The following GABRA5 variants were observed in gnomAD, a reference collection of about 807,000 sequenced individuals.
The protein encoded by GABRA5 is gamma-aminobutyric acid type A receptor subunit alpha5.
In GABRA5, 18 loss-of-function variants were observed where a neutral mutation model predicts 47.3. The observed-to-expected ratio is 0.38, with a 90% CI of 0.26 to 0.56. GABRA5 has a LOEUF of 0.56. Ranked by LOEUF, GABRA5 falls within the 20% of genes least tolerant of loss-of-function variation. GABRA5 has a pLI of 0.71. For synonymous variants in GABRA5, 237 were observed against 229.3 expected, an observed-to-expected ratio of 1.03 and a Z score of -0.30; for missense variants, 365 against 599.3, an observed-to-expected ratio of 0.61 and a Z score of 4.08.
At chr15:26,890,732 A>G (rs1283887891) in intron 6 of GABRA5, among the ~76,000 whole-genome samples, 1 of 152,186 alleles carries the variant, frequency 6.6e-6, no homozygotes, top group Non-Finnish European at 1.5e-5. Context: ...AATCATGTAT[A>G]ACACATGCAT....
chr15:26,901,874 G>T (rs963281844), intron 6 of GABRA5, among the ~76,000 whole-genome samples: 1 of 152,126 alleles, frequency 6.6e-6, no homozygotes, highest in Admixed American at 6.6e-5. Context: ...ACATGTGCAT[G>T]CCCATTTGGT....
intron 6 of GABRA5, among the ~76,000 whole-genome samples, chr15:26,905,272 G>C (rs1296363080): frequency 1.1e-5 from 1 of 90,164 alleles, no homozygotes; most frequent in African/African-American, 3.8e-5. Flanking sequence ...TAGAATTCTT[G>C]GTTGACAAGT....
intron 6 of GABRA5, among the ~76,000 whole-genome samples, chr15:26,893,064 A>C (rs1341202024): frequency 7.1e-6 from 1 of 141,794 alleles, no homozygotes; most frequent in Non-Finnish European, 1.5e-5. Flanking sequence ...TTGTGTGTGT[A>C]CGCTGTGTGG....
chr15:26,875,982 G>T (rs1892588286), intron 3 of GABRA5, among the ~76,000 whole-genome samples: 1 of 152,180 alleles, frequency 6.6e-6, no homozygotes, highest in Admixed American at 6.5e-5. Flanking sequence ...CAGTGAAGAG[G>T]TGATTGCAGT....
chr15:26,883,563 C>A lies in GABRA5; in HGVS notation c.497+6C>A. 1 of 1,385,696 alleles carries A rather than the reference C, an allele frequency of 7.2e-7. No individual in the cohort carries two copies. Among genetic ancestry groups the A allele is most frequent in the Non-Finnish European group, 1.0e-6 (1 of 989,806 alleles). 85.8% of individuals were successfully genotyped at this position (1,385,696 alleles called of 1,614,324 possible). A position where few individuals can be genotyped will look rare whatever the true frequency, so the allele number is the denominator to read the frequency against. ...ACCCTGCTCTACACCATGCGGTGAG[C>A]GCCGGGCGGGGGCGGGCGGGGCCGG... is the stretch of plus-strand genomic sequence containing the variant. On this transcript the variant is annotated splice_donor_region_variant and intron_variant, in intron 6 of 10. Transcript: ENST00000335625. This position sits in a 1 kb window ranked among gnomAD's most constrained non-coding sequence, Gnocchi z 4.8.
intron 4 of GABRA5, among the ~76,000 whole-genome samples, chr15:26,882,739 G>T (rs1892763673): frequency 6.6e-6 from 1 of 152,128 alleles, no homozygotes; most frequent in African/African-American, 2.4e-5. Context: ...TGGAAAGTCA[G>T]CTCCCCTCAT....
intron 6 of GABRA5, among the ~76,000 whole-genome samples, chr15:26,902,842 T>TA (rs1226313265): frequency 2.0e-5 from 3 of 152,174 alleles, no homozygotes; most frequent in Admixed American, 2.0e-4. Flanking sequence ...TGAAAGTTTT[T>TA]ATCATAAACA....
chr15:26,882,307 G>A (rs1041192551), intron 4 of GABRA5, among the ~76,000 whole-genome samples: 1 of 152,140 alleles, frequency 6.6e-6, no homozygotes, highest in Non-Finnish European at 1.5e-5. Flanking sequence ...GAGGAGACAG[G>A]CACACTGCAT....
At chr15:26,869,461 CTTG>C in intron 3 of GABRA5, 127 bp downstream of exon 3, 2 of 665,382 alleles carry the variant, frequency 3.0e-6, no homozygotes, top group Non-Finnish European at 5.5e-6. Flanking sequence ...AAGCCCTTCA[CTTG>C]TTGTAAATAA....
chr15:26,890,159 G>T (rs964056020), intron 6 of GABRA5, among the ~76,000 whole-genome samples: 1 of 151,996 alleles, frequency 6.6e-6, no homozygotes, highest in Non-Finnish European at 1.5e-5. Flanking sequence ...AAGCACCTAC[G>T]TATATCCTTT....
At chr15:26,911,542 T>C (rs558619379) in intron 6 of GABRA5, among the ~76,000 whole-genome samples, 55 of 152,294 alleles carry the variant, frequency 3.6e-4, no homozygotes, top group African/African-American at 1.1e-3. Flanking sequence ...AAGCCCACCA[T>C]GGCAGAAGGA....
chr15:26,868,874 A>G (rs551021734), intron 2 of GABRA5, 81 bp downstream of exon 2: 34 of 186,150 alleles, frequency 1.8e-4, no homozygotes, highest in Admixed American at 1.7e-3. Flanking sequence ...TAATAATTGG[A>G]CTAATGGTTT....
chr15:26,878,148 T>A (rs1892643462), intron 3 of GABRA5, among the ~76,000 whole-genome samples: 1 of 152,256 alleles, frequency 6.6e-6, no homozygotes, highest in South Asian at 2.1e-4. Context: ...TGCACATTAG[T>A]GCTCACCAAA....
intron 6 of GABRA5, among the ~76,000 whole-genome samples, chr15:26,910,004 T>G (rs1489255735): frequency 1.3e-5 from 2 of 152,220 alleles, no homozygotes; most frequent in East Asian, 3.9e-4. Flanking sequence ...ATTGAACTGG[T>G]AATAGCCAAA....
Position 26,880,972 on chromosome 15 carries a change from G to T in GABRA5, c.208+5G>T. Reference sequence around the variant, plus strand: ...GACTTCGGCCCGGGCTGGGAGGTGAGTGTGCTCTCCTCAGCTGAGCCCAGC... The same window carrying T: ...GACTTCGGCCCGGGCTGGGAGGTGATTGTGCTCTCCTCAGCTGAGCCCAGC... On this transcript the variant is annotated splice_donor_5th_base_variant and intron_variant, in intron 4 of 10. Coordinates refer to ENST00000335625, the MANE Select transcript of GABRA5 (RefSeq NM_000810.4). 6.2e-7 allele frequency: 1 copy of T among 1,613,710 alleles called. No individual in the cohort carries two copies. The highest frequency in any genetic ancestry group is 1.3e-5 in the African/African-American group (1 of 75,010).
At chr15:26,873,506 T>C (rs1313525917) in intron 3 of GABRA5, among the ~76,000 whole-genome samples, 1 of 152,248 alleles carries the variant, frequency 6.6e-6, no homozygotes, top group Non-Finnish European at 1.5e-5. Flanking sequence ...AGAAGTGGCT[T>C]TTGAACATGA....
At chr15:26,946,108 T>C (rs1894504771) in intron 10 of GABRA5, among the ~76,000 whole-genome samples, 1 of 152,216 alleles carries the variant, frequency 6.6e-6, no homozygotes, top group Admixed American at 6.5e-5. Context: ...GGCCTGGTTT[T>C]GGTTCACCTG....
chr15:26,939,743 A>G (rs867324958), intron 8 of GABRA5, among the ~76,000 whole-genome samples, 182 bp from the exon 9 acceptor site: 26 of 152,154 alleles, frequency 1.7e-4, no homozygotes, highest in African/African-American at 6.0e-4. Context: ...CATAAGACTT[A>G]CTTATAAAAT....
intron 6 of GABRA5, among the ~76,000 whole-genome samples, chr15:26,895,674 A>C (rs963073592): frequency 6.6e-6 from 1 of 151,820 alleles, no homozygotes; most frequent in Non-Finnish European, 1.5e-5. Context: ...GTAGCCGGGC[A>C]TGGTGGCACT....
Sources: gnomAD v4.1 joint callset for allele counts (sites outside exome capture counted in the v4.1 genomes callset) on GRCh38, gnomAD v4.1.1 for gene constraint, Gnocchi (gnomAD v3.1) non-coding constraint, MANE v1.5 for transcripts, NCBI Gene and HGNC (gene_info 2026-07-23, HGNC 2026-07-21) for gene names.